Variants in TBX15 observed in about 807,000 individuals in gnomAD.
TBX15 encodes the protein T-box transcription factor TBX15.
TBX15 carries 18 observed loss-of-function variants against 53.9 expected under a neutral mutation model. The ratio of observed to expected loss-of-function variants is 0.33; its 90% CI spans 0.23 to 0.49. The LOEUF (loss-of-function observed/expected upper bound fraction) is 0.49, where lower values mean the gene tolerates loss of function less well. Ranked by LOEUF, TBX15 falls within the 20% of genes least tolerant of loss-of-function variation. TBX15 has a pLI of 0.98. For synonymous variants in TBX15, 295 were observed against 278.0 expected (o/e 1.06, Z -0.61); for missense variants, 692 against 749.5 (o/e 0.92, Z 0.90).
rs776582764 is a variant in TBX15 at position 118,885,273 on chromosome 1, C to T, written c.1268G>A (p.Arg423Lys). 6.2e-7 allele frequency: 1 copy of T among 1,614,032 alleles called. No individual in the cohort carries two copies. Among genetic ancestry groups the T allele is most frequent in the Non-Finnish European group, 8.5e-7 (1 of 1,180,024 alleles). Residue 423 changes from arginine to lysine, a missense_variant, in exon 8 of 8, where the codon AGG becomes AAG. Physicochemically the swap from Arg to Lys is conservative, Grantham distance 26. Coordinates refer to ENST00000369429, the MANE Select transcript of TBX15 (RefSeq NM_001330677.2). ...GGCTGAAGTGGTGCCACTCTGAAGC[C>T]TGTTGTAGCCACTGTCACTCAGCCC... ...YPGLSDSGYN[R>K]LQSGTTSATQ...
chr1:118,921,320 A>G (rs113808815), intron 5 of TBX15, among the ~76,000 whole-genome samples: 1 of 152,354 alleles, frequency 6.6e-6, no homozygotes, highest in South Asian at 2.1e-4. Flanking sequence ...TTATTGGTAA[A>G]GATTATCTGG....
intron 2 of TBX15, among the ~76,000 whole-genome samples, chr1:118,929,069 T>A (rs962940044): frequency 1.3e-5 from 2 of 152,178 alleles, no homozygotes; most frequent in African/African-American, 4.8e-5. Context: ...CAAAAAGAGA[T>A]GTGTTTGGTT....
At chr1:118,925,913 T>G (rs575461206) in intron 3 of TBX15, among the ~76,000 whole-genome samples, 1 of 152,308 alleles carries the variant, frequency 6.6e-6, no homozygotes, top group Non-Finnish European at 1.5e-5. Context: ...CACAACTTTT[T>G]TTTTTTCTGG....
Position 118,987,977 on chromosome 1 carries a change from C to G in TBX15, c.-182G>C, listed in dbSNP as rs1205832883. The G allele has an allele frequency of 6.8e-6, 5 of 739,608 alleles. No homozygotes were observed. Among genetic ancestry groups the G allele is most frequent in the Non-Finnish European group, 8.6e-6 (4 of 465,320 alleles). The allele number at this position is 739,608 out of a possible 1,614,324, so 45.8% of individuals were successfully genotyped here. A position where few individuals can be genotyped will look rare whatever the true frequency, so the allele number is the denominator to read the frequency against. ...TGCGTCCTCCTCCGCCCTCCTCTGC[C>G]GGATCCGACCTGCGCCCCTACGCTG... On this transcript the variant is annotated 5_prime_UTR_variant, in exon 1 of 8. Coordinates refer to ENST00000369429, the MANE Select transcript of TBX15 (RefSeq NM_001330677.2).
chr1:118,922,216 A>G (rs1461418193), intron 5 of TBX15, among the ~76,000 whole-genome samples: 1 of 152,226 alleles, frequency 6.6e-6, no homozygotes, highest in Non-Finnish European at 1.5e-5. Context: ...TCTATTTTGC[A>G]TGTCAGCACA....
chr1:118,897,328 C>T (rs61806196), intron 7 of TBX15, among the ~76,000 whole-genome samples: 4,703 of 152,266 alleles, frequency 0.031, 77 homozygotes, highest in African/African-American at 0.033. Context: ...TCATTGGGTA[C>T]GTACTGGGTG....
intron 3 of TBX15, among the ~76,000 whole-genome samples, chr1:118,925,998 T>C (rs1655583971): frequency 2.0e-5 from 3 of 152,186 alleles, no homozygotes; most frequent in African/African-American, 7.2e-5. Flanking sequence ...GAAAATTACT[T>C]AACAATCTCA....
chr1:118,926,450 G>A (rs1055718065), intron 3 of TBX15, 60 bp downstream of exon 3: 1 of 1,446,880 alleles, frequency 6.9e-7, no homozygotes, highest in African/African-American at 1.4e-5. Flanking sequence ...TAAGGAGTTT[G>A]AAGAATTGTC....
At chr1:118,980,455 T>A (rs149688994) in intron 1 of TBX15, among the ~76,000 whole-genome samples, 27 of 152,320 alleles carry the variant, frequency 1.8e-4, no homozygotes, top group Non-Finnish European at 2.6e-4. Flanking sequence ...TCCTCTAAAG[T>A]GTATGGCAAC....
intron 1 of TBX15, among the ~76,000 whole-genome samples, chr1:118,985,393 C>T (rs563132443): frequency 6.6e-6 from 1 of 152,212 alleles, no homozygotes; most frequent in Non-Finnish European, 1.5e-5. Flanking sequence ...CAGCCCTGGT[C>T]GCGCCTTTCG....
intron 1 of TBX15, among the ~76,000 whole-genome samples, chr1:118,941,536 C>T (rs1276626834): frequency 6.6e-6 from 1 of 152,138 alleles, no homozygotes; most frequent in Non-Finnish European, 1.5e-5. Context: ...AAAACCATCC[C>T]GTTTAGTAAA....
chr1:118,901,254 G>A, intron 6 of TBX15: 1 of 425,714 alleles, frequency 2.3e-6, no homozygotes, highest in Non-Finnish European at 4.7e-6. Flanking sequence ...CCTTTGTGCT[G>A]AGTCATACAT....
intron 2 of TBX15, among the ~76,000 whole-genome samples, chr1:118,929,865 A>T (rs1655723009): frequency 6.6e-6 from 1 of 152,194 alleles, no homozygotes; most frequent in Non-Finnish European, 1.5e-5. Context: ...ACAAAAAAAA[A>T]ATGTAATATT....
chr1:118,954,479 T>C (rs1203636296), intron 1 of TBX15, among the ~76,000 whole-genome samples: 2 of 152,172 alleles, frequency 1.3e-5, no homozygotes, highest in South Asian at 2.1e-4. Context: ...CATACAGCAA[T>C]GTCTAATCAA....
At chr1:118,890,988 A>T in intron 7 of TBX15, 1 of 1,276,716 alleles carries the variant, frequency 7.8e-7, no homozygotes, top group South Asian at 1.3e-5. Context: ...TAAAAGGTAA[A>T]ATATCAGCAC....
chr1:118,960,302 T>C (rs1241690988), intron 1 of TBX15, among the ~76,000 whole-genome samples: 1 of 152,208 alleles, frequency 6.6e-6, no homozygotes, highest in African/African-American at 2.4e-5. Context: ...AGGTTTCATC[T>C]GATTCACACC....
chr1:118,980,485 CATTTGAGCCTTGGCAACTAT>C (rs1275573192), intron 1 of TBX15, among the ~76,000 whole-genome samples: 1 of 152,180 alleles, frequency 6.6e-6, no homozygotes, highest in African/African-American at 2.4e-5. Context: ...ACTGTCAGCT[CATTTGAGCCTTGGCAACTAT>C]ATTGTAGAAA....
intron 1 of TBX15, among the ~76,000 whole-genome samples, chr1:118,934,293 GA>G (rs1240504453): frequency 6.6e-6 from 1 of 152,070 alleles, no homozygotes; most frequent in Non-Finnish European, 1.5e-5. Context: ...ACCTCAATTA[GA>G]AACATCAAAT....
intron 1 of TBX15, among the ~76,000 whole-genome samples, chr1:118,939,895 A>G (rs969698836): frequency 3.3e-5 from 5 of 151,912 alleles, no homozygotes; most frequent in African/African-American, 9.7e-5. Flanking sequence ...CAATTTTCAC[A>G]GAAACCTTTA....
Sources: allele counts gnomAD v4.1 joint callset (sites outside exome capture counted in the v4.1 genomes callset), GRCh38; gene constraint gnomAD v4.1.1; transcripts MANE v1.5; gene names NCBI Gene and HGNC (gene_info 2026-07-23, HGNC 2026-07-21).